Variants in MUC12 observed in about 807,000 individuals in gnomAD.
MUC12 encodes mucin-12.
MUC12 carries 172 observed loss-of-function variants against 230.8 expected under a neutral mutation model. The observed-to-expected ratio is 0.75, with a 90% CI of 0.66 to 0.85. MUC12 has a LOEUF of 0.85. Among genes scored for constraint, MUC12 ranks in the 40% least tolerant of loss-of-function variants. MUC12 has a pLI of 0.00. For missense variants in MUC12, 3,506 were observed against 5,920.6 expected, an observed-to-expected ratio of 0.59 and a Z score of 13.38; for synonymous variants, 1,259 against 2,401.9, an observed-to-expected ratio of 0.52 and a Z score of 13.91.
intron 1 of MUC12, among the ~76,000 whole-genome samples, chr7:100,984,069 C>A (rs1793149765): frequency 6.6e-6 from 1 of 152,110 alleles, no homozygotes; most frequent in Admixed American, 6.6e-5. Flanking sequence ...GGGGGTACAT[C>A]TACCTTTGAT....
chr7:101,006,733 C>T (rs1793759321), intron 3 of MUC12, among the ~76,000 whole-genome samples, 161 bp downstream of exon 3: 2 of 151,994 alleles, frequency 1.3e-5, no homozygotes, highest in African/African-American at 4.8e-5. Flanking sequence ...TCTACCTTTG[C>T]CTTCAGGGAC....
rs753765809 is a variant in MUC12, at chr7:100,991,363, G to C, written c.800G>C (p.Ser267Thr). The C allele has an allele frequency of 1.3e-6, 2 of 1,537,788 alleles. No individual in the cohort carries two copies. The highest frequency in any genetic ancestry group is 1.2e-5 in the South Asian group (1 of 84,058). The change falls in exon 2 of 12, where the codon AGC becomes ACC. Residue 267 changes from serine to threonine, a missense_variant. By Grantham distance (58) the Ser-to-Thr change is moderately conservative (BLOSUM62 1). Coordinates refer to ENST00000536621, the MANE Select transcript of MUC12 (RefSeq NM_001164462.2). ...GSPHTTLSPS[S>T]STTHEGEPTT... ...CCACACACAACACTGTCCCCTTCCA[G>C]CTCTACAACCCATGAGGGAGAACCT...
At chr7:101,010,470 G>A (rs1370650976) in intron 5 of MUC12, among the ~76,000 whole-genome samples, 1 of 152,048 alleles carries the variant, frequency 6.6e-6, no homozygotes, top group Admixed American at 6.6e-5. Flanking sequence ...TCGAGTAGCT[G>A]GGACTACAGG....
Position 100,969,669 on chromosome 7 carries a change from C to A in MUC12, c.47C>A (p.Ser16Tyr). 6.5e-7 allele frequency: 1 copy of A among 1,528,780 alleles called. No homozygotes were observed. The highest frequency in any genetic ancestry group is 8.7e-7 in the Non-Finnish European group (1 of 1,143,890). The allele number at this position is 1,528,780 out of a possible 1,614,324, so 94.7% of individuals were successfully genotyped here. Residue 16 changes from serine (S) to tyrosine (Y), a missense_variant, in exon 1 of 12, where the codon TCC becomes TAC. Physicochemically the swap from Ser to Tyr is moderately radical, Grantham distance 144. Coordinates refer to ENST00000536621, the MANE Select transcript of MUC12 (RefSeq NM_001164462.2). The part of the protein sequence containing the change: ...ILTLALRLCA[S>Y]VTTVTPGSTV... ...ACGCTGGCTCTCCGGCTCTGCGCGT[C>A]CGTTACTACAGTGACACCAGGTGAG... is the stretch of plus-strand genomic sequence containing the variant.
In MUC12 at chr7:100,999,539, A is replaced by G; in HGVS notation, c.8976A>G (p.Glu2992=). Residue 2992 remains glutamate, a synonymous_variant, in exon 2 of 12, where the codon GAA becomes GAG. Coordinates refer to ENST00000536621, the MANE Select transcript of MUC12 (RefSeq NM_001164462.2). ...PASSTSAGLQ[E]ESTTFQSWPS... The stretch of plus-strand genomic sequence containing the variant: ...GCTCCACAAGCGCTGGCCTTCAGGA[A>G]GAATCTACCACTTTCCAGAGCTGGC... 7.0e-7 allele frequency: 1 copy of G among 1,437,042 alleles called. No individual in the cohort carries two copies. The highest frequency in any genetic ancestry group is 2.5e-5 in the East Asian group (1 of 40,030). 89.0% of individuals were successfully genotyped at this position (1,437,042 alleles called of 1,614,324 possible).
In MUC12 at chr7:100,991,524, T is replaced by A; in HGVS notation, c.961T>A (p.Ser321Thr). ...TCCAACAACCCACTTTTCTGCCAGC[T>A]CCACAACCTTGGGCCATAGTGAGGA... ...STPTTHFSAS[S>T]TTLGHSEEST... is the part of the protein sequence containing the mutation. Residue 321 changes from serine (S) to threonine (T), a missense_variant, in exon 2 of 12, where the codon TCC becomes ACC. Ser to Thr is a moderately conservative substitution (Grantham distance 58). Coordinates refer to ENST00000536621, the MANE Select transcript of MUC12 (RefSeq NM_001164462.2). The A allele has an allele frequency of 6.5e-7, 1 of 1,536,658 alleles. No individual in the cohort carries two copies. The highest frequency in any genetic ancestry group is 8.7e-7 in the Non-Finnish European group (1 of 1,146,382).
chr7:100,976,268 A>G (rs1178902085), intron 1 of MUC12, among the ~76,000 whole-genome samples: 1 of 151,686 alleles, frequency 6.6e-6, no homozygotes, highest in African/African-American at 2.4e-5. Flanking sequence ...ACAGAGCAAG[A>G]CATTACCTCT....
At chr7:100,979,088 G>C (rs1793069378) in intron 1 of MUC12, among the ~76,000 whole-genome samples, 1 of 152,194 alleles carries the variant, frequency 6.6e-6, no homozygotes, top group African/African-American at 2.4e-5. Context: ...GGGATTACAG[G>C]TGTGAGCCAT....
chr7:100,994,156 C>T lies in MUC12; in HGVS notation c.3593C>T (p.Thr1198Ile), dbSNP rs1417062961. The T allele has an allele frequency of 9.5e-7, 1 of 1,057,390 alleles. No individual in the cohort carries two copies. Among genetic ancestry groups the T allele is most frequent in the South Asian group, 1.5e-5 (1 of 65,196 alleles). 65.5% of individuals were successfully genotyped at this position (1,057,390 alleles called of 1,614,324 possible). ...TFHSRPASTH[T>I]TLFTEDSTTS... is the part of the protein sequence containing the mutation. ...CACAGCCGGCCAGCCTCAACTCACA[C>T]AACACTGTTCACTGAGGACAGCACC... The change falls in exon 2 of 12, where the codon ACA (threonine) becomes ATA (isoleucine). Residue 1198 changes from threonine (T) to isoleucine (I), a missense_variant. Physicochemically the swap from Thr to Ile is moderately conservative, Grantham distance 89. Transcript: ENST00000536621.
chr7:100,990,554 G>C, intron 1 of MUC12, 77 bp from the exon 2 acceptor site: 1 of 1,513,152 alleles, frequency 6.6e-7, no homozygotes, highest in Admixed American at 2.0e-5. Context: ...GCCCGGATGT[G>C]TCAGAATTGA....
At chr7:101,011,125 C>T (rs1039763100) in intron 5 of MUC12, among the ~76,000 whole-genome samples, 75 of 152,012 alleles carry the variant, frequency 4.9e-4, no homozygotes, top group African/African-American at 1.7e-3. Context: ...AGCCAGAGCC[C>T]CCAGTGGAGA....
intron 2 of MUC12, among the ~76,000 whole-genome samples, chr7:101,006,246 T>C: frequency 6.6e-6 from 1 of 152,202 alleles, no homozygotes; most frequent in Middle Eastern, 3.2e-3. Context: ...TTTTCATAGC[T>C]GGACCTCTTG....
Position 100,991,549 on chromosome 7 carries a change from A to G in MUC12, c.986A>G (p.Glu329Gly). 6.5e-7 allele frequency: 1 copy of G among 1,537,334 alleles called. No individual in the cohort carries two copies. The highest frequency in any genetic ancestry group is 8.7e-7 in the Non-Finnish European group (1 of 1,146,610). Reference protein sequence around the residue: ...ASSTTLGHSEESTPVHSSPVA... With the variant: ...ASSTTLGHSEGSTPVHSSPVA... The stretch of plus-strand genomic sequence containing the variant: ...TCCACAACCTTGGGCCATAGTGAGG[A>G]ATCGACACCAGTCCACAGCAGCCCA... The change falls in exon 2 of 12, where the codon GAA becomes GGA. Residue 329 changes from glutamate (E) to glycine (G), a missense_variant. Glu to Gly is a moderately conservative substitution (Grantham distance 98). Coordinates refer to ENST00000536621, the MANE Select transcript of MUC12 (RefSeq NM_001164462.2).
chr7:100,990,722 G>A lies in MUC12; in HGVS notation c.159G>A (p.Gly53=), dbSNP rs1222730146. The A allele has an allele frequency of 1.2e-5, 19 of 1,537,690 alleles. No individual in the cohort carries two copies. The highest frequency in any genetic ancestry group is 1.7e-5 in the Non-Finnish European group (19 of 1,147,024). ...SDPFTTFSDY[G]VSVTFITGST... ...CTTTTACCACCTTTAGTGACTATGGGGTGTCAGTCACATTTATCACGGGCT... is the reference window on the plus strand; with the variant it reads ...CTTTTACCACCTTTAGTGACTATGGAGTGTCAGTCACATTTATCACGGGCT... The change falls in exon 2 of 12, where the codon GGG becomes GGA. Residue 53 remains glycine, a synonymous_variant. Transcript: ENST00000536621.
At chr7:101,013,435 A>G (rs1793870149) in intron 8 of MUC12, among the ~76,000 whole-genome samples, 1 of 152,082 alleles carries the variant, frequency 6.6e-6, no homozygotes, top group African/African-American at 2.4e-5. Context: ...CTGTATCTCT[A>G]TCTCTATCTC....
intron 1 of MUC12, among the ~76,000 whole-genome samples, chr7:100,986,782 G>A (rs777845675): frequency 1.1e-4 from 16 of 152,132 alleles, no homozygotes; most frequent in South Asian, 2.1e-4. Context: ...CTGGCATCTC[G>A]GAGATTGACA....
At chr7:100,970,571 A>T (rs1327949911) in intron 1 of MUC12, among the ~76,000 whole-genome samples, 8 of 151,978 alleles carry the variant, frequency 5.3e-5, no homozygotes, top group African/African-American at 1.9e-4. Context: ...AGAAAGAAAG[A>T]AAAGGAAAAA....
chr7:101,004,389 C>T lies in MUC12; in HGVS notation c.13826C>T (p.Pro4609Leu), dbSNP rs757546809. 3.4e-6 allele frequency: 5 copies of T among 1,489,600 alleles called. No homozygotes were observed. The highest frequency in any genetic ancestry group is 2.1e-5 in the Admixed American group (1 of 46,716). 92.3% of individuals were successfully genotyped at this position (1,489,600 alleles called of 1,614,324 possible). ...VEESTAYHSSPGSTQTMHFPE... is the reference protein window; with the variant it reads ...VEESTAYHSSLGSTQTMHFPE... ...GAATCTACGGCGTACCACAGCAGCC[C>T]GGGCTCAACTCAAACAATGCACTTC... Residue 4609 changes from proline to leucine, a missense_variant, in exon 2 of 12, where the codon CCG becomes CTG. Coordinates refer to ENST00000536621, the MANE Select transcript of MUC12 (RefSeq NM_001164462.2).
intron 1 of MUC12, among the ~76,000 whole-genome samples, chr7:100,971,706 C>A (rs1431255736): frequency 3.9e-5 from 6 of 152,310 alleles, no homozygotes; most frequent in Non-Finnish European, 7.3e-5. Context: ...AGTTCACCTA[C>A]AGAAGTGGGA....
Sources: allele counts gnomAD v4.1 joint callset (sites outside exome capture counted in the v4.1 genomes callset), GRCh38; gene constraint gnomAD v4.1.1; transcripts MANE v1.5; gene names NCBI Gene and HGNC (gene_info 2026-07-23, HGNC 2026-07-21).